The following ABCG1 variants were observed in gnomAD, a reference collection of about 807,000 sequenced individuals.
The protein encoded by ABCG1 is ATP binding cassette subfamily G member 1.
A neutral mutation model predicts 69.2 loss-of-function variants in ABCG1; 29 were observed. The observed-to-expected ratio is 0.42, with a 90% confidence interval of 0.31 to 0.57. The LOEUF is 0.57. Among genes scored for constraint, ABCG1 ranks in the 20% least tolerant of loss-of-function variants. The pLI is 0.15. For synonymous variants in ABCG1, 370 were observed against 374.8 expected, an observed-to-expected ratio of 0.99 and a Z score of 0.15; for missense variants, 718 against 898.1, an observed-to-expected ratio of 0.80 and a Z score of 2.56.
upstream of ABCG1, among the ~76,000 whole-genome samples, chr21:42,212,972 C>T (rs187218395): frequency 6.6e-6 from 1 of 152,326 alleles, no homozygotes; most frequent in Admixed American, 6.5e-5. Flanking sequence ...GGATTACAGG[C>T]ATGAGCCACC....
intron 5 of ABCG1, among the ~76,000 whole-genome samples, chr21:42,281,145 C>T (rs1199417653): frequency 6.6e-6 from 1 of 152,252 alleles, no homozygotes; most frequent in African/African-American, 2.4e-5. Flanking sequence ...ATAAATAATT[C>T]AGAAGCTCAG....
intron 14 of ABCG1, chr21:42,295,334 A>T (rs1384639930): frequency 5.6e-4 from 5 of 8,912 alleles, no homozygotes; most frequent in South Asian, 3.3e-3. Context: ...CCGTCTCAAT[A>T]AAAAAAAAAA....
chr21:42,264,471 A>ATCCGTCTG, intron 2 of ABCG1, among the ~76,000 whole-genome samples: 1 of 144,618 alleles, frequency 6.9e-6, no homozygotes, highest in Non-Finnish European at 1.5e-5. Flanking sequence ...TCATCTATTC[A>ATCCGTCTG]TCCATCTGTC....
At chr21:42,264,937 C>T (rs1480263366) in intron 2 of ABCG1, among the ~76,000 whole-genome samples, 1 of 152,186 alleles carries the variant, frequency 6.6e-6, no homozygotes, top group Non-Finnish European at 1.5e-5. Context: ...GCCACTAGCT[C>T]TCATGGTTTC....
chr21:42,253,028 C>G (rs1208265291), intron 2 of ABCG1, among the ~76,000 whole-genome samples: 1 of 152,136 alleles, frequency 6.6e-6, no homozygotes, highest in Non-Finnish European at 1.5e-5. Context: ...TCTCGGCACG[C>G]CTGGATGCCG....
intron 1 of ABCG1, among the ~76,000 whole-genome samples, chr21:42,223,327 C>T (rs544231346): frequency 7.6e-4 from 116 of 152,334 alleles, no homozygotes; most frequent in African/African-American, 2.6e-3. Context: ...AAGATTTCGT[C>T]CTGCGTCTCC....
chr21:42,237,567 G>A lies in ABCG1; in HGVS notation c.286+11653G>A, dbSNP rs1203550799. On this transcript the variant is annotated intron_variant, in intron 2 of 14. Transcript: ENST00000398449. Reference sequence around the variant, plus strand: ...TCTGAGCTTCCAAAATTACCCCTGCGTCTCAGCTGCCCAGCCAGTGCCTGG... The same window carrying A: ...TCTGAGCTTCCAAAATTACCCCTGCATCTCAGCTGCCCAGCCAGTGCCTGG... 9.2e-5 allele frequency among the ~76,000 whole-genome samples: 14 copies of A among 152,336 alleles called. 1 individual carries two copies. Among genetic ancestry groups the A allele is most frequent in the Non-Finnish European group, 1.0e-4 (7 of 68,038 alleles).
intron 5 of ABCG1, 142 bp downstream of exon 5, chr21:42,277,087 C>T (rs752755711): frequency 4.8e-6 from 4 of 825,296 alleles, no homozygotes; most frequent in Non-Finnish European, 8.0e-6. Context: ...GGACAGGCAA[C>T]ATTTCAGGGA....
intron 2 of ABCG1, among the ~76,000 whole-genome samples, chr21:42,205,018 G>GTT (rs746194754): frequency 1.3e-4 from 18 of 135,250 alleles, no homozygotes; most frequent in African/African-American, 2.4e-4. Flanking sequence ...TGTTTTTGTT[G>GTT]TTTTTTTTTT....
chr21:42,201,055 T>C (rs910892005), intron 1 of ABCG1, among the ~76,000 whole-genome samples: 52 of 151,466 alleles, frequency 3.4e-4, no homozygotes, highest in African/African-American at 1.2e-3. Flanking sequence ...CCCAGCATAT[T>C]GTGCTTTTTT....
At chr21:42,282,534 TCACCCGGCG>T in intron 6 of ABCG1, 115 bp downstream of exon 6, 1 of 1,283,430 alleles carries the variant, frequency 7.8e-7, no homozygotes, top group Non-Finnish European at 1.0e-6. Context: ...TGAGTTGAGC[TCACCCGGCG>T]GTTCCTCCTT....
At chr21:42,228,990 G>A (rs1225671212) in intron 2 of ABCG1, among the ~76,000 whole-genome samples, 2 of 152,206 alleles carry the variant, frequency 1.3e-5, no homozygotes, top group Admixed American at 1.3e-4. Context: ...TCACCCACAC[G>A]GGTCGCCACC....
Position 42,288,111 on chromosome 21 carries a change from C to CG in ABCG1, c.1122+75dup. On this transcript the variant is annotated intron_variant, in intron 9 of 14. Transcript: ENST00000398449. This position sits in a 1 kb window ranked among gnomAD's most constrained non-coding sequence, Gnocchi z 4.8. ...CCGAAGCCCCCTGGGGGAGGCTGCA[C>CG]GTGGCACCGTGCACTGCTGCATGAG... The CG allele has an allele frequency of 6.2e-7, 1 of 1,607,928 alleles. No homozygotes were observed. Among genetic ancestry groups the CG allele is most frequent in the Non-Finnish European group, 8.5e-7 (1 of 1,174,888 alleles).
intron 2 of ABCG1, among the ~76,000 whole-genome samples, chr21:42,240,514 A>T (rs1262776632): frequency 1.3e-5 from 2 of 152,244 alleles, no homozygotes; most frequent in Non-Finnish European, 2.9e-5. Flanking sequence ...GCAGTAGCGC[A>T]ATCTCAGCTC....
intron 2 of ABCG1, among the ~76,000 whole-genome samples, chr21:42,226,686 C>T (rs566001078): frequency 6.6e-6 from 1 of 152,240 alleles, no homozygotes; most frequent in African/African-American, 2.4e-5. Flanking sequence ...TCTCCTTATG[C>T]TCCAAGCACT....
chr21:42,282,026 C>CAGCCTCTGGGCAGTGCAG (rs1393701311), intron 5 of ABCG1, among the ~76,000 whole-genome samples: 1 of 152,248 alleles, frequency 6.6e-6, no homozygotes, highest in Non-Finnish European at 1.5e-5. Context: ...CACTGTTGCA[C>CAGCCTCTGGGCAGTGCAG]AGCCTCTGGG....
At position 42,219,874 on chromosome 21, in the gene ABCG1, G is replaced by A. The variant is rs1277381200; in HGVS notation, c.42+570G>A. 2.6e-6 allele frequency: 4 copies of A among 1,538,426 alleles called. No homozygotes were observed. The highest frequency in any genetic ancestry group is 3.5e-6 in the Non-Finnish European group (4 of 1,143,156). ...CTCTCCCGGACCCACTCGGGGAGGCGGCGGCGAAGGCCCGGGGAGACCCGC... is the reference window on the plus strand; with the variant it reads ...CTCTCCCGGACCCACTCGGGGAGGCAGCGGCGAAGGCCCGGGGAGACCCGC... On this transcript the variant is annotated intron_variant, in intron 1 of 14. Coordinates refer to ENST00000398449, the MANE Select transcript of ABCG1 (RefSeq NM_016818.3). This position sits in a 1 kb window ranked among gnomAD's most constrained non-coding sequence, Gnocchi z 5.3.
In ABCG1 at chr21:42,279,446, C is replaced by CCT. The variant is rs1175686465; in HGVS notation, c.588+2502_588+2503insTC. ...AAGTAGAGCTGAGCACACGGGGGAGCCCTCCATCCTGGCCTCCTGGAACCC... is the reference window on the plus strand; with the variant it reads ...AAGTAGAGCTGAGCACACGGGGGAGCCTCCTCCATCCTGGCCTCCTGGAACCC... On this transcript the variant is annotated intron_variant, in intron 5 of 14. Coordinates refer to ENST00000398449, the MANE Select transcript of ABCG1 (RefSeq NM_016818.3). Among the ~76,000 whole-genome samples the CCT allele has an allele frequency of 1.2e-3, 182 of 152,310 alleles. 1 individual carries two copies. Among genetic ancestry groups the CCT allele is most frequent in the African/African-American group, 4.1e-3 (171 of 41,578 alleles).
intron 6 of ABCG1, among the ~76,000 whole-genome samples, chr21:42,283,570 A>G (rs929098433): frequency 6.6e-6 from 1 of 152,138 alleles, no homozygotes; most frequent in Non-Finnish European, 1.5e-5. Context: ...AGCCCCATAG[A>G]TGGGAGGTGG....
Sources: allele counts gnomAD v4.1 joint callset (sites outside exome capture counted in the v4.1 genomes callset), GRCh38; gene constraint gnomAD v4.1.1; non-coding constraint Gnocchi (gnomAD v3.1); transcripts MANE v1.5; gene names NCBI Gene and HGNC (gene_info 2026-07-23, HGNC 2026-07-21).